The following BCAS3 variants were observed in gnomAD, a reference collection of about 807,000 sequenced individuals.
The protein encoded by BCAS3 is BCAS3 microtubule associated cell migration factor, also known as BCAS4/BCAS3 fusion.
Under a neutral mutation model 116.1 loss-of-function variants are expected in BCAS3, and 53 were observed. That is an observed-to-expected ratio of 0.46 (90% CI 0.37 to 0.57). The LOEUF (loss-of-function observed/expected upper bound fraction) is 0.57. Among genes scored for constraint, BCAS3 ranks in the 20% least tolerant of loss-of-function variants. The probability of loss-of-function intolerance (pLI) is 0.00; values close to 1 mark genes in which losing one functional copy is unlikely to be tolerated. For missense variants in BCAS3, 917 were observed against 1,165.4 expected (o/e 0.79, Z 3.10); for synonymous variants, 391 against 408.2 (o/e 0.96, Z 0.51).
chr17:61,274,066 G>A (rs944261387), intron 22 of BCAS3, among the ~76,000 whole-genome samples: 6 of 150,576 alleles, frequency 4.0e-5, no homozygotes, highest in African/African-American at 1.2e-4. Context: ...CCATTAACTC[G>A]TCATTTAACA....
chr17:60,958,180 TC>T (rs2061237236), intron 14 of BCAS3, among the ~76,000 whole-genome samples: 1 of 152,092 alleles, frequency 6.6e-6, no homozygotes, highest in Admixed American at 6.6e-5. Context: ...GATCATAGAT[TC>T]TCAATACACT....
rs202217378 is a variant in BCAS3, at chr17:60,807,990, A to T, written c.404-14A>T. 3.2e-6 allele frequency: 5 copies of T among 1,570,140 alleles called. No homozygotes were observed. In the African/African-American group the frequency reaches 6.8e-5, roughly 21 times the overall value. On this transcript the variant is annotated splice_polypyrimidine_tract_variant and intron_variant, in intron 6 of 23. Transcript: ENST00000407086. ...TTCCTCAAAGCTTACAATTTATTTT[A>T]TCCTTCCTGTCAGGTGCTCAAAAAT... is the stretch of plus-strand genomic sequence containing the variant.
chr17:61,051,092 T>C lies in BCAS3; in HGVS notation c.2029+10200T>C, dbSNP rs193069371. Among the ~76,000 whole-genome samples the C allele has an allele frequency of 1.3e-5, 2 of 152,188 alleles. No individual in the cohort carries two copies. The highest frequency in any genetic ancestry group is 1.3e-4 in the Admixed American group (2 of 15,278). On this transcript the variant is annotated intron_variant, in intron 19 of 23. Transcript: ENST00000407086. This position sits in a 1 kb window ranked among gnomAD's most constrained non-coding sequence, Gnocchi z 4.1. ...TTGACTGAATGAGATTGAAATCAGA[T>C]ATACCCATATCTTTGACAACTACTC...
intron 22 of BCAS3, among the ~76,000 whole-genome samples, chr17:61,328,594 C>G (rs953261117): frequency 6.6e-6 from 1 of 152,092 alleles, no homozygotes; most frequent in Non-Finnish European, 1.5e-5. Flanking sequence ...GGCGAAACTC[C>G]GTCTCTACAA....
chr17:60,938,908 AT>A (rs1310045581), intron 13 of BCAS3, among the ~76,000 whole-genome samples: 1 of 152,230 alleles, frequency 6.6e-6, no homozygotes, highest in Non-Finnish European at 1.5e-5. Context: ...GAGAATACCA[AT>A]TGAAATTATT....
At chr17:61,045,789 C>T (rs1447881139) in intron 19 of BCAS3, among the ~76,000 whole-genome samples, 1 of 119,346 alleles carries the variant, frequency 8.4e-6, no homozygotes, top group Non-Finnish European at 1.7e-5. Flanking sequence ...GCACTCCTGC[C>T]TGGGCAACAG....
intron 14 of BCAS3, among the ~76,000 whole-genome samples, chr17:60,973,665 T>C (rs2062115588): frequency 6.6e-6 from 1 of 151,046 alleles, no homozygotes; most frequent in South Asian, 2.1e-4. Context: ...TAATCTCAGC[T>C]CACTGCAACC....
chr17:61,079,882 ATTTTTTTTTTT>A (rs745702399), intron 21 of BCAS3, among the ~76,000 whole-genome samples: 4 of 65,888 alleles, frequency 6.1e-5, no homozygotes, highest in East Asian at 4.5e-4. Flanking sequence ...AGGCATGAGT[ATTTTTTTTTTT>A]TTTTTTTTTT....
chr17:61,000,898 C>T (rs1206652169), intron 15 of BCAS3, among the ~76,000 whole-genome samples: 1 of 152,112 alleles, frequency 6.6e-6, no homozygotes. Context: ...TAAATCAGTA[C>T]ACCTATTCTT....
chr17:61,094,520 C>T (rs57852451), intron 22 of BCAS3, among the ~76,000 whole-genome samples: 15,310 of 152,194 alleles, frequency 0.1, 2,321 homozygotes, highest in African/African-American at 0.33. Flanking sequence ...ACCTTGTATC[C>T]ACCACTGTCT....
rs1415329538 is a variant in BCAS3, at chr17:61,376,935, C to G, written c.2593+8441C>G. ...TGGTTGGGGCAGGCAGGGTCTCCAT[C>G]GGTATCTGCCAGTTTCTTCCCCAAT... On this transcript the variant is annotated intron_variant, in intron 23 of 23. Coordinates refer to ENST00000407086, the MANE Select transcript of BCAS3 (RefSeq NM_017679.5). This position sits in a 1 kb window ranked among gnomAD's most constrained non-coding sequence, Gnocchi z 4.5. Among the ~76,000 whole-genome samples, 1 of 152,174 alleles carries G rather than the reference C, an allele frequency of 6.6e-6. No homozygotes were observed. The highest frequency in any genetic ancestry group is 1.5e-5 in the Non-Finnish European group (1 of 68,038).
At chr17:61,319,762 A>G (rs2055040582) in intron 22 of BCAS3, among the ~76,000 whole-genome samples, 1 of 152,100 alleles carries the variant, frequency 6.6e-6, no homozygotes, top group Admixed American at 6.6e-5. Flanking sequence ...AGTAGCTATC[A>G]TGACATTAGA....
chr17:61,155,068 A>G (rs767798773), intron 22 of BCAS3, among the ~76,000 whole-genome samples: 3 of 152,230 alleles, frequency 2.0e-5, no homozygotes, highest in Non-Finnish European at 2.9e-5. Flanking sequence ...CATGTCAGGC[A>G]TCGTGGAAGG....
Position 60,888,239 on chromosome 17 carries a change from A to G in BCAS3, c.662-1456A>G, listed in dbSNP as rs887665871. On this transcript the variant is annotated intron_variant, in intron 9 of 23. Coordinates refer to ENST00000407086, the MANE Select transcript of BCAS3 (RefSeq NM_017679.5). ...TACGGACTCAAAAAATGAAATGAAGAATTGTAAACTGTGTTTTTCCTTAGG... is the reference window on the plus strand; with the variant it reads ...TACGGACTCAAAAAATGAAATGAAGGATTGTAAACTGTGTTTTTCCTTAGG... 3.3e-5 allele frequency among the ~76,000 whole-genome samples: 5 copies of G among 152,332 alleles called. No individual in the cohort carries two copies. In the East Asian group the frequency reaches 7.7e-4, roughly 23 times the overall value.
chr17:60,922,394 G>C (rs2059150736), intron 12 of BCAS3, among the ~76,000 whole-genome samples: 1 of 151,970 alleles, frequency 6.6e-6, no homozygotes, highest in African/African-American at 2.4e-5. Context: ...CAAAGTGCTG[G>C]GATTACAGGC....
intron 13 of BCAS3, among the ~76,000 whole-genome samples, chr17:60,934,840 A>G (rs2059833640): frequency 6.6e-6 from 1 of 152,160 alleles, no homozygotes; most frequent in Admixed American, 6.5e-5. Flanking sequence ...TGGGTGCAGG[A>G]ACGGAGAAGC....
chr17:61,012,696 C>T lies in BCAS3; in HGVS notation c.1487-3055C>T, dbSNP rs1314583959. 1.3e-5 allele frequency among the ~76,000 whole-genome samples: 2 copies of T among 152,044 alleles called. No homozygotes were observed. Among genetic ancestry groups the T allele is most frequent in the South Asian group, 4.1e-4 (2 of 4,826 alleles). On this transcript the variant is annotated intron_variant, in intron 15 of 23. Transcript: ENST00000407086. The surrounding 1 kb of genome is among the most constrained non-coding windows in gnomAD (Gnocchi z 4.5). ...TCAAATGGACTCTACAGCATAAACA[C>T]AGGAGCAGGCTGAGAAGGATAGATC...
intron 22 of BCAS3, among the ~76,000 whole-genome samples, chr17:61,250,236 G>A (rs139315988): frequency 1.3e-5 from 2 of 152,234 alleles, no homozygotes; most frequent in East Asian, 1.9e-4. Context: ...TAAATATGAA[G>A]TAAAAGGTTA....
chr17:61,085,035 T>G (rs543177622), intron 22 of BCAS3, among the ~76,000 whole-genome samples: 20 of 152,352 alleles, frequency 1.3e-4, no homozygotes, highest in African/African-American at 4.3e-4. Context: ...TTAACCCTGG[T>G]CTATCTATCA....
Sources: gnomAD v4.1 joint callset for allele counts (sites outside exome capture counted in the v4.1 genomes callset) on GRCh38, gnomAD v4.1.1 for gene constraint, Gnocchi (gnomAD v3.1) non-coding constraint, MANE v1.5 for transcripts, NCBI Gene and HGNC (gene_info 2026-07-23, HGNC 2026-07-21) for gene names.